TEK: variants seen among roughly 807,000 people sequenced by gnomAD.
TEK encodes the protein angiopoietin-1 receptor.
In TEK, 43 loss-of-function variants were observed where a neutral mutation model predicts 131.8. The observed-to-expected ratio is 0.33, with a 90% confidence interval of 0.26 to 0.42. The LOEUF is 0.42. TEK is among the 10% of genes least tolerant of loss of function. The probability of loss-of-function intolerance (pLI) is 1.00; values close to 1 mark genes in which losing one functional copy is unlikely to be tolerated. For synonymous variants in TEK, 580 were observed against 491.6 expected (o/e 1.18, Z -2.38); for missense variants, 1,162 against 1,384.4 (o/e 0.84, Z 2.55).
chr9:27,196,957 C>T (rs1395311136), intron 11 of TEK, among the ~76,000 whole-genome samples: 2 of 151,666 alleles, frequency 1.3e-5, no homozygotes, highest in African/African-American at 4.8e-5. Flanking sequence ...TGGTGTGCTG[C>T]ACCCATTAAC....
intron 1 of TEK, among the ~76,000 whole-genome samples, chr9:27,154,850 T>C (rs1179889375): frequency 6.6e-6 from 1 of 152,162 alleles, no homozygotes; most frequent in African/African-American, 2.4e-5. Flanking sequence ...ACAATTTCCT[T>C]TTCCGTCACT....
At chr9:27,111,817 A>G (rs1203893368) in intron 1 of TEK, among the ~76,000 whole-genome samples, 1 of 152,052 alleles carries the variant, frequency 6.6e-6, no homozygotes, top group Non-Finnish European at 1.5e-5. Context: ...GATTTATCAT[A>G]GTATCTTCTA....
intron 11 of TEK, among the ~76,000 whole-genome samples, chr9:27,193,313 G>A (rs2145926): frequency 0.59 from 89,079 of 151,942 alleles, 26,372 homozygotes; most frequent in South Asian, 0.71. Flanking sequence ...TCTGGGCCTC[G>A]TCCCCAGAGT....
chr9:27,146,879 A>G (rs9886934), intron 1 of TEK, among the ~76,000 whole-genome samples: 8,597 of 151,716 alleles, frequency 0.057, 830 homozygotes, highest in African/African-American at 0.2. Context: ...ACAGGTGCCC[A>G]CCACCACGCC....
chr9:27,216,626 T>C (rs1219549556), intron 18 of TEK, among the ~76,000 whole-genome samples: 1 of 152,178 alleles, frequency 6.6e-6, no homozygotes, highest in Non-Finnish European at 1.5e-5. Context: ...AGTACAAAAT[T>C]ACCATTTAGA....
At position 27,109,658 on chromosome 9, in the gene TEK, AT is replaced by A. The variant is rs753942631; in HGVS notation, c.52+24del. The A allele has an allele frequency of 8.1e-6, 13 of 1,612,404 alleles. No homozygotes were observed. In the East Asian group the frequency reaches 1.8e-4, roughly 22 times the overall value. On this transcript the variant is annotated intron_variant, in intron 1 of 22. Coordinates refer to ENST00000380036, the MANE Select transcript of TEK (RefSeq NM_000459.5). Reference sequence around the variant, plus strand: ...CTCCTTTCTGGTAAGGTTTGGCTTTATTTTTTTTAATTTAGTATTTTAAAAA... The same window carrying A: ...CTCCTTTCTGGTAAGGTTTGGCTTTATTTTTTTAATTTAGTATTTTAAAAA...
chr9:27,219,986 C>T, intron 20 of TEK, 63 bp from the exon 21 acceptor site: 1 of 1,551,724 alleles, frequency 6.4e-7, no homozygotes, highest in South Asian at 1.1e-5. Flanking sequence ...TTTAGAAACC[C>T]TGGACAGGAA....
At chr9:27,176,205 G>A (rs1330126321) in intron 6 of TEK, among the ~76,000 whole-genome samples, 2 of 152,122 alleles carry the variant, frequency 1.3e-5, no homozygotes, top group Non-Finnish European at 2.9e-5. Context: ...ACAATAGATT[G>A]TACACTGGCA....
intron 1 of TEK, among the ~76,000 whole-genome samples, chr9:27,139,345 T>TTG (rs1822633097): frequency 7.4e-6 from 1 of 134,542 alleles, no homozygotes; most frequent in Non-Finnish European, 1.6e-5. Flanking sequence ...TTTTTTTTTT[T>TTG]GAGACTGAGT....
intron 2 of TEK, among the ~76,000 whole-genome samples, chr9:27,160,170 G>A (rs1823497431): frequency 6.6e-6 from 1 of 151,808 alleles, no homozygotes; most frequent in Non-Finnish European, 1.5e-5. Context: ...CTACAGGCAT[G>A]CACCACCATG....
At position 27,202,863 on chromosome 9, in the gene TEK, A is replaced by G; in HGVS notation, c.1953A>G (p.Thr651=). ...QPENIKISNI[T]HSSAVISWTI... is the part of the protein sequence containing the mutation. ...AAAACATCAAGATTTCCAACATTAC[A>G]CACTCCTCAGCTGTGATTTCTTGGA... The change falls in exon 13 of 23, where the codon ACA becomes ACG. Residue 651 remains threonine (T), a synonymous_variant. Coordinates refer to ENST00000380036, the MANE Select transcript of TEK (RefSeq NM_000459.5). 6.2e-7 allele frequency: 1 copy of G among 1,614,090 alleles called. No homozygotes were observed. Among genetic ancestry groups the G allele is most frequent in the Non-Finnish European group, 8.5e-7 (1 of 1,179,980 alleles).
intron 2 of TEK, among the ~76,000 whole-genome samples, chr9:27,166,640 C>T (rs987262322): frequency 6.6e-6 from 1 of 152,130 alleles, no homozygotes; most frequent in African/African-American, 2.4e-5. Flanking sequence ...ATAAATGTTG[C>T]AATACTAGCT....
Position 27,137,438 on chromosome 9 carries a change from C to G in TEK, c.53-20393C>G, listed in dbSNP as rs1166944208. ...TCTTTTTTCAGCTATTTTAGGTTAG[C>G]TAACAGAATTCTACTAGCTTAAAAG... On this transcript the variant is annotated intron_variant, in intron 1 of 22. Coordinates refer to ENST00000380036, the MANE Select transcript of TEK (RefSeq NM_000459.5). Among the ~76,000 whole-genome samples, 3 of 140,176 alleles carry G rather than the reference C, an allele frequency of 2.1e-5. No homozygotes were observed. The East Asian group carries it at 5.8e-4, about 27-fold the overall frequency. The allele number at this position is 140,176 out of a possible 152,430, so 92.0% of individuals were successfully genotyped here.
intron 6 of TEK, among the ~76,000 whole-genome samples, chr9:27,174,982 T>A (rs1416211457): frequency 6.6e-6 from 1 of 150,418 alleles, no homozygotes; most frequent in Non-Finnish European, 1.5e-5. Flanking sequence ...TTTAATTCTT[T>A]TTATTATTAT....
At chr9:27,152,655 G>A (rs954830547) in intron 1 of TEK, among the ~76,000 whole-genome samples, 4 of 151,752 alleles carry the variant, frequency 2.6e-5, no homozygotes, top group Admixed American at 6.6e-5. Context: ...GGGTGAGGGT[G>A]TGGGTCTAGA....
At chr9:27,193,934 G>A (rs972454972) in intron 11 of TEK, among the ~76,000 whole-genome samples, 2 of 152,108 alleles carry the variant, frequency 1.3e-5, no homozygotes, top group Admixed American at 1.3e-4. Context: ...AGCTTCCTGA[G>A]TAGCTGGGAC....
rs73440289 is a variant in TEK, at chr9:27,132,541, G to A, written c.52+22899G>A. On this transcript the variant is annotated intron_variant, in intron 1 of 22. Transcript: ENST00000380036. ...TCCTGGATATTTTTATTGGGACACC[G>A]GGGCATTCAGATGGCCTATTGAAAT... Among the ~76,000 whole-genome samples, 586 of 152,166 alleles carry A rather than the reference G, an allele frequency of 3.9e-3. 4 individuals carry two copies. The highest frequency in any genetic ancestry group is 0.013 in the African/African-American group (557 of 41,488).
chr9:27,142,186 T>C (rs1426160682), intron 1 of TEK, among the ~76,000 whole-genome samples: 1 of 152,174 alleles, frequency 6.6e-6, no homozygotes, highest in African/African-American at 2.4e-5. Flanking sequence ...GGACAGACAA[T>C]GGACTGGATA....
At chr9:27,202,582 C>T (rs1587007576) in intron 12 of TEK, among the ~76,000 whole-genome samples, 1 of 152,220 alleles carries the variant, frequency 6.6e-6, no homozygotes, top group East Asian at 1.9e-4. Flanking sequence ...AACAGAATTT[C>T]TAAGGCCTTC....
Sources: allele counts gnomAD v4.1 joint callset (sites outside exome capture counted in the v4.1 genomes callset), GRCh38; gene constraint gnomAD v4.1.1; transcripts MANE v1.5; gene names NCBI Gene and HGNC (gene_info 2026-07-23, HGNC 2026-07-21).